IQCJ: variants seen among roughly 807,000 people sequenced by gnomAD.
IQCJ encodes IQ motif containing J.
IQCJ carries 9 observed loss-of-function variants against 11.0 expected under a neutral mutation model. The observed-to-expected ratio is 0.82, with a 90% confidence interval of 0.49 to 1.43. The LOEUF (loss-of-function observed/expected upper bound fraction) is 1.43, where lower values mean the gene tolerates loss of function less well. Ranked by LOEUF, IQCJ falls within the 40% of genes most tolerant of loss-of-function variation. The pLI, the probability that IQCJ is intolerant of heterozygous loss-of-function variation, is 0.00. For synonymous variants in IQCJ, 55 were observed against 51.3 expected (o/e 1.07, Z -0.31); for missense variants, 146 against 133.2 (o/e 1.10, Z -0.47).
At chr3:159,118,559 G>T (rs1408132215) in intron 1 of IQCJ, among the ~76,000 whole-genome samples, 2 of 152,200 alleles carry the variant, frequency 1.3e-5, no homozygotes, top group Non-Finnish European at 2.9e-5. Flanking sequence ...AAGTGTCAGG[G>T]ATGTGAAGTG....
At chr3:159,092,171 A>G (rs1408332530) in intron 1 of IQCJ, among the ~76,000 whole-genome samples, 1 of 151,864 alleles carries the variant, frequency 6.6e-6, no homozygotes, top group African/African-American at 2.4e-5. Context: ...AGTTGCAGTA[A>G]GATGAATACA....
At chr3:159,205,952 A>T (rs913999800) in intron 1 of IQCJ, among the ~76,000 whole-genome samples, 1 of 152,194 alleles carries the variant, frequency 6.6e-6, no homozygotes, top group South Asian at 2.1e-4. Flanking sequence ...TTCACTTGTC[A>T]GAAACATTAA....
At chr3:159,236,499 G>A (rs1002115761) in intron 1 of IQCJ, among the ~76,000 whole-genome samples, 1 of 152,166 alleles carries the variant, frequency 6.6e-6, no homozygotes, top group Admixed American at 6.6e-5. Flanking sequence ...TTCAACAGAG[G>A]TTTGGACTCC....
chr3:159,214,626 C>A (rs1359498865), intron 1 of IQCJ, among the ~76,000 whole-genome samples: 1 of 152,158 alleles, frequency 6.6e-6, no homozygotes. Flanking sequence ...TCCACCCATT[C>A]ACATATGTTC....
chr3:159,175,123 A>T (rs1722718877), intron 1 of IQCJ, among the ~76,000 whole-genome samples: 3 of 152,214 alleles, frequency 2.0e-5, no homozygotes, highest in Admixed American at 1.3e-4. Context: ...ATTTTAATGT[A>T]CGATTCTATG....
chr3:159,245,927 T>G lies in IQCJ; in HGVS notation c.74+20T>G. On this transcript the variant is annotated intron_variant, in intron 2 of 3. Transcript: ENST00000397832. Reference sequence around the variant, plus strand: ...TGAAAAGTAAGTAAAAAGTATTAAGTTAAATCATCTGCAAGGTTGGAAAGC... The same window carrying G: ...TGAAAAGTAAGTAAAAAGTATTAAGGTAAATCATCTGCAAGGTTGGAAAGC... The G allele has an allele frequency of 6.7e-7, 1 of 1,500,530 alleles. No homozygotes were observed. The highest frequency in any genetic ancestry group is 9.0e-7 in the Non-Finnish European group (1 of 1,106,560). 93.0% of individuals were successfully genotyped at this position (1,500,530 alleles called of 1,614,324 possible).
chr3:159,201,538 TA>T lies in IQCJ; in HGVS notation c.10-44300del, dbSNP rs1369417036. 2.0e-5 allele frequency among the ~76,000 whole-genome samples: 3 copies of T among 148,178 alleles called. No homozygotes were observed. In the East Asian group the frequency reaches 5.9e-4, roughly 29 times the overall value. On this transcript the variant is annotated intron_variant, in intron 1 of 3. Coordinates refer to ENST00000397832, the MANE Select transcript of IQCJ (RefSeq NM_001042706.3). ...GTGTGTGTGTGTGTGTGTGTGTGTGTAAAAACCATTTATTTTGGAATGAGTT... is the reference window on the plus strand; with the variant it reads ...GTGTGTGTGTGTGTGTGTGTGTGTGTAAAACCATTTATTTTGGAATGAGTT...
chr3:159,257,981 G>A (rs1450547581), intron 3 of IQCJ, among the ~76,000 whole-genome samples: 1 of 152,162 alleles, frequency 6.6e-6, no homozygotes, highest in Non-Finnish European at 1.5e-5. Flanking sequence ...GTAAGTATCA[G>A]AAACTCAGCT....
downstream of IQCJ, chr3:159,265,371 A>C: frequency 1.2e-6 from 2 of 1,613,650 alleles, no homozygotes; most frequent in Non-Finnish European, 1.7e-6. Flanking sequence ...GGAGCCCCAG[A>C]TAGAAAGACT....
At chr3:159,257,242 T>A (rs1371018522) in intron 3 of IQCJ, among the ~76,000 whole-genome samples, 18 of 152,182 alleles carry the variant, frequency 1.2e-4, no homozygotes, top group Admixed American at 1.2e-3. Context: ...AGCATTTGGA[T>A]TAGCCTAATC....
chr3:159,188,837 C>T (rs765673350), intron 1 of IQCJ, among the ~76,000 whole-genome samples: 4 of 152,140 alleles, frequency 2.6e-5, no homozygotes, highest in Non-Finnish European at 2.9e-5. Context: ...GGAAATTATT[C>T]GTTGAATAAT....
intron 1 of IQCJ, among the ~76,000 whole-genome samples, chr3:159,143,360 C>T (rs1720738486): frequency 6.6e-6 from 1 of 152,196 alleles, no homozygotes; most frequent in African/African-American, 2.4e-5. Context: ...GCTTGAACCT[C>T]TCAATAGTTC....
At chr3:159,137,910 C>T (rs1720388843) in intron 1 of IQCJ, among the ~76,000 whole-genome samples, 1 of 152,208 alleles carries the variant, frequency 6.6e-6, no homozygotes, top group South Asian at 2.1e-4. Context: ...TCCAACATAA[C>T]CCTTTAGATT....
At chr3:159,228,519 G>A (rs1455489619) in intron 1 of IQCJ, among the ~76,000 whole-genome samples, 4 of 151,892 alleles carry the variant, frequency 2.6e-5, no homozygotes, top group African/African-American at 7.2e-5. Flanking sequence ...GGCCGGGCGC[G>A]GTGGCTCACG....
At chr3:159,127,561 T>C (rs1451854227) in intron 1 of IQCJ, among the ~76,000 whole-genome samples, 1 of 152,212 alleles carries the variant, frequency 6.6e-6, no homozygotes, top group African/African-American at 2.4e-5. Flanking sequence ...CTCCTCGTTG[T>C]ATATTATTCT....
chr3:159,158,826 A>T (rs1361870709), intron 1 of IQCJ, among the ~76,000 whole-genome samples: 2 of 152,206 alleles, frequency 1.3e-5, no homozygotes, highest in Non-Finnish European at 2.9e-5. Context: ...TCAAATGGTG[A>T]AGTTATTTGA....
intron 1 of IQCJ, among the ~76,000 whole-genome samples, chr3:159,169,223 G>A (rs1195773845): frequency 1.4e-5 from 2 of 144,638 alleles, no homozygotes; most frequent in East Asian, 4.2e-4. Context: ...TTGAAGGTGA[G>A]TTTAAATGAC....
Position 159,234,457 on chromosome 3 carries a change from G to A in IQCJ, c.10-11386G>A, listed in dbSNP as rs184110028. ...GGGAGTTAGGAATGTTTTTAATCCC[G>A]AAGATTGTTTTTGTTTAAGTTAGCA... On this transcript the variant is annotated intron_variant, in intron 1 of 3. Transcript: ENST00000397832. Among the ~76,000 whole-genome samples the A allele has an allele frequency of 5.9e-5, 9 of 152,180 alleles. No individual in the cohort carries two copies. The East Asian group carries it at 1.2e-3, about 20-fold the overall frequency.
chr3:159,211,908 G>C lies in IQCJ; in HGVS notation c.10-33935G>C, dbSNP rs559186588. ...AGAATGGAAAGGGAGGCCATGCCAA[G>C]TATTGGAGAAGGCAGAGAAATGTAT... On this transcript the variant is annotated intron_variant, in intron 1 of 3. Coordinates refer to ENST00000397832, the MANE Select transcript of IQCJ (RefSeq NM_001042706.3). 5.3e-5 allele frequency among the ~76,000 whole-genome samples: 8 copies of C among 152,156 alleles called. No individual in the cohort carries two copies. In the South Asian group the frequency reaches 1.0e-3, roughly 20 times the overall value.
Sources: allele counts gnomAD v4.1 joint callset (sites outside exome capture counted in the v4.1 genomes callset), GRCh38; gene constraint gnomAD v4.1.1; transcripts MANE v1.5; gene names NCBI Gene and HGNC (gene_info 2026-07-23, HGNC 2026-07-21).